DAGLB: variants seen among roughly 807,000 people sequenced by gnomAD.
DAGLB encodes the protein diacylglycerol lipase beta.
DAGLB carries 66 observed loss-of-function variants against 72.1 expected under a neutral mutation model. That is an observed-to-expected ratio of 0.92 (90% CI 0.75 to 1.12). DAGLB has a LOEUF of 1.12. Among genes scored for constraint, DAGLB ranks in the 50% most tolerant of loss-of-function variants. DAGLB has a pLI of 0.00. For synonymous variants in DAGLB, 414 were observed against 359.5 expected (o/e 1.15, Z -1.71); for missense variants, 1,065 against 884.9 (o/e 1.20, Z -2.58).
intron 2 of DAGLB, among the ~76,000 whole-genome samples, chr7:6,443,689 C>T (rs538598041): frequency 4.6e-5 from 7 of 152,170 alleles, no homozygotes; most frequent in African/African-American, 1.2e-4. Context: ...GTATCACCAG[C>T]GCCTCCCAGT....
chr7:6,431,593 G>GAAACCCCGTCTCTGCTAAAAATACA (rs1784490301), intron 5 of DAGLB, among the ~76,000 whole-genome samples: 1 of 151,676 alleles, frequency 6.6e-6, no homozygotes, highest in Admixed American at 6.6e-5. Context: ...CCAACACGGT[G>GAAACCCCGTCTCTGCTAAAAATACA]AAACCCCGTC....
chr7:6,410,465 C>T (rs1007116629), intron 13 of DAGLB, 85 bp from the exon 14 acceptor site: 41 of 1,512,648 alleles, frequency 2.7e-5, no homozygotes, highest in Non-Finnish European at 3.6e-5. Flanking sequence ...GGACCAGGCA[C>T]AGGAATCTGC....
chr7:6,424,984 C>A, intron 7 of DAGLB, 149 bp from the exon 8 acceptor site: 1 of 707,306 alleles, frequency 1.4e-6, no homozygotes, highest in South Asian at 1.6e-5. Flanking sequence ...GCTCACTACA[C>A]AGTGGGACCC....
At chr7:6,438,224 G>C (rs1192952692) in intron 2 of DAGLB, among the ~76,000 whole-genome samples, 1 of 151,792 alleles carries the variant, frequency 6.6e-6, no homozygotes. Flanking sequence ...AGGAGGGAGG[G>C]ATAGCATTAG....
chr7:6,413,728 C>G (rs1225779445), intron 11 of DAGLB, among the ~76,000 whole-genome samples: 1 of 152,166 alleles, frequency 6.6e-6, no homozygotes, highest in African/African-American at 2.4e-5. Flanking sequence ...GAGGCTGGAG[C>G]CTCCAAACAC....
intron 11 of DAGLB, among the ~76,000 whole-genome samples, chr7:6,413,496 G>A (rs1783802445): frequency 6.6e-6 from 1 of 152,182 alleles, no homozygotes; most frequent in Non-Finnish European, 1.5e-5. Flanking sequence ...CAGGCGTGGT[G>A]GTGGGCGCCT....
intron 2 of DAGLB, among the ~76,000 whole-genome samples, chr7:6,441,139 G>A (rs1784817510): frequency 6.7e-6 from 1 of 149,128 alleles, no homozygotes; most frequent in African/African-American, 2.5e-5. Flanking sequence ...CGCCCAAGCT[G>A]GAGTGCAGTG....
Position 6,410,515 on chromosome 7 carries a change from G to T in DAGLB, c.1570-135C>A, listed in dbSNP as rs1316754488. The T allele has an allele frequency of 2.2e-6, 3 of 1,339,636 alleles. No individual in the cohort carries two copies. In the African/African-American group the frequency reaches 4.4e-5, roughly 20 times the overall value. 83.0% of individuals were successfully genotyped at this position (1,339,636 alleles called of 1,614,324 possible). ...ACCCCGCTTGGAAGACTCCAGCAAA[G>T]ATGCACCGGCGAGCTGTGCTGGGTG... On this transcript the variant is annotated intron_variant, in intron 13 of 14. Transcript: ENST00000297056.
chr7:6,447,818 G>A lies in DAGLB; in HGVS notation c.25C>T (p.Arg9Trp), dbSNP rs1179551525. The change falls in exon 1 of 15, where the codon CGG becomes TGG. Residue 9 changes from arginine to tryptophan, a missense_variant. By Grantham distance (101) the Arg-to-Trp change is moderately radical. Coordinates refer to ENST00000297056, the MANE Select transcript of DAGLB (RefSeq NM_139179.4). ...TCGTCGCTGGCGATGGCCCAGCGCC[G>A]GCCGAAGAGTACCATCCCCGGCATG... is the stretch of plus-strand genomic sequence containing the variant. MPGMVLFG[R>W]RWAIASDDLV... 3 of 1,612,808 alleles carry A rather than the reference G, an allele frequency of 1.9e-6. No individual in the cohort carries two copies. Among genetic ancestry groups the A allele is most frequent in the Admixed American group, 1.7e-5 (1 of 59,882 alleles).
At chr7:6,416,528 G>A (rs1490328053) in intron 11 of DAGLB, 99 bp downstream of exon 11, 5 of 1,499,110 alleles carry the variant, frequency 3.3e-6, no homozygotes, top group South Asian at 2.8e-5. Context: ...GGGCGACAGA[G>A]CAAGACTTCA....
At chr7:6,445,927 A>G (rs1784985351) in intron 2 of DAGLB, 26 bp downstream of exon 2, 1 of 1,564,416 alleles carries the variant, frequency 6.4e-7, no homozygotes, top group African/African-American at 1.4e-5. Context: ...AAAAATAGGT[A>G]TCAAATAGAA....
chr7:6,430,529 A>T lies in DAGLB; in HGVS notation c.880T>A (p.Tyr294Asn), dbSNP rs779609542. ...FAAAAYGWPL[Y>N]IYRNPLTGLC... ...CCCGTGAGGGGGTTTCTGTAGATGT[A>T]GAGGGGCCACCCATAGGCCGCTGCT... Residue 294 changes from tyrosine to asparagine, a missense_variant, in exon 6 of 15, where the codon TAC becomes AAC. Transcript: ENST00000297056. 1 of 1,601,492 alleles carries T rather than the reference A, an allele frequency of 6.2e-7. No individual in the cohort carries two copies. The highest frequency in any genetic ancestry group is 2.2e-5 in the East Asian group (1 of 44,698).
At position 6,410,118 on chromosome 7, in the gene DAGLB, C is replaced by T. The variant is rs371193609; in HGVS notation, c.1820+12G>A. 34 of 1,576,224 alleles carry T rather than the reference C, an allele frequency of 2.2e-5. No individual in the cohort carries two copies. Among genetic ancestry groups the T allele is most frequent in the Non-Finnish European group, 2.6e-5 (30 of 1,158,720 alleles). On this transcript the variant is annotated intron_variant, in intron 14 of 14. Transcript: ENST00000297056. ...TCCTGCCTGCCCACCACACCCACCA[C>T]GCCGCACTCACCGCCCCGAGGCGCC...
intron 4 of DAGLB, among the ~76,000 whole-genome samples, chr7:6,434,233 A>G (rs1351004224): frequency 1.1e-5 from 1 of 93,906 alleles, no homozygotes; most frequent in Non-Finnish European, 1.8e-5. Context: ...GACACGCTGC[A>G]TGTGAAAAAA....
At chr7:6,413,927 G>A (rs1040243345) in intron 11 of DAGLB, among the ~76,000 whole-genome samples, 1 of 152,214 alleles carries the variant, frequency 6.6e-6, no homozygotes, top group East Asian at 1.9e-4. Context: ...CAGGAGGAGA[G>A]GAACACAGAC....
chr7:6,421,149 C>G (rs1461064810), intron 9 of DAGLB, among the ~76,000 whole-genome samples: 2 of 152,238 alleles, frequency 1.3e-5, no homozygotes, highest in East Asian at 1.9e-4. Context: ...AAAACACACA[C>G]AGAGAGAAGG....
In DAGLB at chr7:6,433,294, A is replaced by T. The variant is rs138928761; in HGVS notation, c.679-335T>A. ...TGGATAAATTGTCCGTTTTTGTAGC[A>T]ATGCACCATTTTAGCCCACGTTTAT... On this transcript the variant is annotated intron_variant, in intron 4 of 14. Coordinates refer to ENST00000297056, the MANE Select transcript of DAGLB (RefSeq NM_139179.4). 7.1e-3 allele frequency among the ~76,000 whole-genome samples: 1,086 copies of T among 152,302 alleles called. 9 individuals carry two copies. Among genetic ancestry groups the T allele is most frequent in the African/African-American group, 0.014 (577 of 41,572 alleles).
rs146444267 is a variant in DAGLB at position 6,429,178 on chromosome 7, G to T, written c.929+1302C>A. On this transcript the variant is annotated intron_variant, in intron 6 of 14. Coordinates refer to ENST00000297056, the MANE Select transcript of DAGLB (RefSeq NM_139179.4). ...CAAGCAATCAATGTTAATATAACCAGAAATGGGACAAACTGGCATCATGTA... is the reference window on the plus strand; with the variant it reads ...CAAGCAATCAATGTTAATATAACCATAAATGGGACAAACTGGCATCATGTA... 5.9e-5 allele frequency among the ~76,000 whole-genome samples: 9 copies of T among 152,178 alleles called. No homozygotes were observed. The East Asian group carries it at 1.7e-3, about 29-fold the overall frequency.
At chr7:6,413,345 T>C (rs2115240184) in intron 11 of DAGLB, among the ~76,000 whole-genome samples, 1 of 152,282 alleles carries the variant, frequency 6.6e-6, no homozygotes, top group South Asian at 2.1e-4. Flanking sequence ...AAAGATGCAC[T>C]GGAGGCCGGG....
Sources: gnomAD v4.1 joint callset for allele counts (sites outside exome capture counted in the v4.1 genomes callset) on GRCh38, gnomAD v4.1.1 for gene constraint, MANE v1.5 for transcripts, NCBI Gene and HGNC (gene_info 2026-07-23, HGNC 2026-07-21) for gene names.